The following ST8SIA6 variants were observed in gnomAD, a reference collection of about 807,000 sequenced individuals.
ST8SIA6 encodes alpha-2,8-sialyltransferase 8F.
In ST8SIA6, 39 loss-of-function variants were observed where a neutral mutation model predicts 33.6. That is an observed-to-expected ratio of 1.16 (90% CI 0.90 to 1.52). The LOEUF (loss-of-function observed/expected upper bound fraction) is 1.52. ST8SIA6 is among the 40% of genes most tolerant of loss of function. ST8SIA6 has a pLI of 0.00. For missense variants in ST8SIA6, 441 were observed against 443.8 expected, an observed-to-expected ratio of 0.99 and a Z score of 0.06; for synonymous variants, 172 against 167.2, an observed-to-expected ratio of 1.03 and a Z score of -0.22.
intron 2 of ST8SIA6, among the ~76,000 whole-genome samples, chr10:17,402,401 C>G (rs112198180): frequency 0.032 from 4,941 of 152,234 alleles, 84 homozygotes; most frequent in South Asian, 0.056. Context: ...ACTAGAAATA[C>G]CATTTGACCC....
chr10:17,375,802 T>C (rs957942972), intron 3 of ST8SIA6, among the ~76,000 whole-genome samples: 3 of 152,186 alleles, frequency 2.0e-5, no homozygotes, highest in African/African-American at 4.8e-5. Context: ...CTCAGTCCCT[T>C]ACTAGAGGAT....
At chr10:17,374,209 T>TAAA (rs34878315) in intron 3 of ST8SIA6, among the ~76,000 whole-genome samples, 2,081 of 147,472 alleles carry the variant, frequency 0.014, 23 homozygotes, top group Non-Finnish European at 0.022. Flanking sequence ...CTGAGGGAGT[T>TAAA]AAAAAAAAAA....
chr10:17,403,643 A>T (rs1851133440), intron 2 of ST8SIA6: 1 of 152,178 alleles, frequency 6.6e-6, no homozygotes, highest in African/African-American at 2.4e-5. Flanking sequence ...TCTTACTCTA[A>T]ACAGCTAAGA....
intron 3 of ST8SIA6, among the ~76,000 whole-genome samples, chr10:17,378,986 C>T (rs938003230): frequency 1.6e-4 from 25 of 152,038 alleles, no homozygotes; most frequent in Admixed American, 1.0e-3. Flanking sequence ...ATTAGCTGGG[C>T]GTGGTGGCAG....
At chr10:17,353,885 G>C (rs538253600) in intron 4 of ST8SIA6, among the ~76,000 whole-genome samples, 3 of 152,222 alleles carry the variant, frequency 2.0e-5, no homozygotes, top group Admixed American at 2.0e-4. Context: ...GGTATTAGTG[G>C]CTCCAAAAGA....
Position 17,359,604 on chromosome 10 carries a change from A to C in ST8SIA6, c.291-4T>G. 1 of 1,572,568 alleles carries C rather than the reference A, an allele frequency of 6.4e-7. No homozygotes were observed. Among genetic ancestry groups the C allele is most frequent in the Non-Finnish European group, 8.7e-7 (1 of 1,151,944 alleles). On this transcript the variant is annotated splice_polypyrimidine_tract_variant and splice_region_variant and intron_variant, in intron 3 of 7. Transcript: ENST00000377602. ...AAGGTAGTCGTTCTCTGAATACCTA[A>C]AAATTAAATGTCAATATAATTAGAA...
At chr10:17,426,384 T>C (rs1370693687) in intron 2 of ST8SIA6, among the ~76,000 whole-genome samples, 1 of 152,198 alleles carries the variant, frequency 6.6e-6, no homozygotes, top group Non-Finnish European at 1.5e-5. Context: ...GCATGCTATC[T>C]AGCAAGTTTT....
chr10:17,315,832 A>G lies in ST8SIA6; in HGVS notation c.*5046T>C, dbSNP rs963865117. On this transcript the variant is annotated 3_prime_UTR_variant, in exon 8 of 8. Transcript: ENST00000377602. ...AATATATACATTGTCTTAATTGGAG[A>G]GACGGTTTCATGGGTATATGCATGT... 6.6e-6 allele frequency among the ~76,000 whole-genome samples: 1 copy of G among 151,934 alleles called. No individual in the cohort carries two copies. The highest frequency in any genetic ancestry group is 1.5e-5 in the Non-Finnish European group (1 of 67,886).
intron 2 of ST8SIA6, among the ~76,000 whole-genome samples, chr10:17,448,442 C>G (rs1852793522): frequency 6.6e-6 from 1 of 152,212 alleles, no homozygotes; most frequent in Non-Finnish European, 1.5e-5. Context: ...GGTGCCAAAT[C>G]ATAGCCAAGA....
rs1206996504 is a variant in ST8SIA6 at position 17,383,090 on chromosome 10, A to G, written c.290+7441T>C. Among the ~76,000 whole-genome samples, 6 of 152,148 alleles carry G rather than the reference A, an allele frequency of 3.9e-5. No individual in the cohort carries two copies. In the South Asian group the frequency reaches 1.0e-3, roughly 26 times the overall value. ...TTTATTAGGGCTTCTTGTTTAGAAA[A>G]TTAAGTCTCTTCTCACAAAGAATGA... On this transcript the variant is annotated intron_variant, in intron 3 of 7. Transcript: ENST00000377602.
At chr10:17,445,854 T>C (rs888165984) in intron 2 of ST8SIA6, among the ~76,000 whole-genome samples, 3 of 152,038 alleles carry the variant, frequency 2.0e-5, no homozygotes, top group African/African-American at 7.3e-5. Context: ...CCAGGGTTAT[T>C]AGATGACATT....
chr10:17,349,933 TAAACAC>T (rs1422009453), intron 4 of ST8SIA6, among the ~76,000 whole-genome samples: 3 of 128,306 alleles, frequency 2.3e-5, no homozygotes. Flanking sequence ...GTAAATTAAA[TAAACAC>T]ACACACACAC....
chr10:17,328,744 G>T (rs1179149203), intron 5 of ST8SIA6, among the ~76,000 whole-genome samples: 1 of 152,144 alleles, frequency 6.6e-6, no homozygotes, highest in Non-Finnish European at 1.5e-5. Flanking sequence ...AGGTGGCTCT[G>T]TGAATAAATC....
chr10:17,424,739 T>C (rs1318711310), intron 2 of ST8SIA6, among the ~76,000 whole-genome samples: 3 of 135,016 alleles, frequency 2.2e-5, no homozygotes, highest in East Asian at 2.1e-4. Flanking sequence ...ACATCATAAA[T>C]TTTTTTTTTT....
intron 2 of ST8SIA6, among the ~76,000 whole-genome samples, chr10:17,406,791 CTTTTTTT>C (rs1281929219): frequency 8.7e-6 from 1 of 114,514 alleles, no homozygotes; most frequent in Non-Finnish European, 1.8e-5. Flanking sequence ...GAGGGCTAAT[CTTTTTTT>C]TTTTTTTTTT....
intron 3 of ST8SIA6, among the ~76,000 whole-genome samples, chr10:17,366,037 CA>C (rs1182124483): frequency 2.0e-5 from 3 of 152,084 alleles, no homozygotes; most frequent in Admixed American, 1.3e-4. Flanking sequence ...GACTTTCAGT[CA>C]ATACAGTCAA....
intron 2 of ST8SIA6, among the ~76,000 whole-genome samples, chr10:17,421,097 C>G (rs1227423871): frequency 6.6e-6 from 1 of 152,170 alleles, no homozygotes; most frequent in Non-Finnish European, 1.5e-5. Flanking sequence ...GACAATTTGA[C>G]AAGAGATTTG....
intron 2 of ST8SIA6, among the ~76,000 whole-genome samples, chr10:17,443,230 A>G (rs1852568908): frequency 2.0e-5 from 3 of 152,224 alleles, no homozygotes; most frequent in Admixed American, 2.0e-4. Context: ...TTATAGACTT[A>G]GAAGATACCT....
intron 5 of ST8SIA6, among the ~76,000 whole-genome samples, chr10:17,328,274 T>C (rs562292676): frequency 1.3e-5 from 2 of 152,346 alleles, no homozygotes; most frequent in South Asian, 4.1e-4. Flanking sequence ...CTGCCGTCTC[T>C]GCGAATGACC....
Sources: gnomAD v4.1 joint callset for allele counts (sites outside exome capture counted in the v4.1 genomes callset) on GRCh38, gnomAD v4.1.1 for gene constraint, MANE v1.5 for transcripts, NCBI Gene and HGNC (gene_info 2026-07-23, HGNC 2026-07-21) for gene names.